The following ATR variants were observed in gnomAD, a reference collection of about 807,000 sequenced individuals.
ATR encodes the protein ATR checkpoint kinase.
Under a neutral mutation model 305.3 loss-of-function variants are expected in ATR, and 142 were observed. The ratio of observed to expected loss-of-function variants is 0.47; its 90% CI spans 0.41 to 0.53. The LOEUF (loss-of-function observed/expected upper bound fraction) is 0.53, where lower values mean the gene tolerates loss of function less well. Ranked by LOEUF, ATR falls within the 20% of genes least tolerant of loss-of-function variation. ATR has a pLI of 0.00. For synonymous variants in ATR, 1,050 were observed against 1,068.1 expected, an observed-to-expected ratio of 0.98 and a Z score of 0.33; for missense variants, 2,135 against 3,133.1, an observed-to-expected ratio of 0.68 and a Z score of 7.60.
At chr3:142,496,922 C>A in intron 33 of ATR, 91 bp downstream of exon 33, 1 of 1,411,942 alleles carries the variant, frequency 7.1e-7, no homozygotes, top group South Asian at 1.3e-5. Flanking sequence ...TAGATTCAGA[C>A]AGAAAATTAA....
intron 21 of ATR, among the ~76,000 whole-genome samples, chr3:142,534,227 G>A (rs903910720): frequency 3.3e-5 from 5 of 152,094 alleles, no homozygotes; most frequent in Admixed American, 6.6e-5. Flanking sequence ...AGGCTGTAAC[G>A]TTGATAATGC....
At chr3:142,506,204 G>A (rs771441294) in intron 28 of ATR, among the ~76,000 whole-genome samples, 7 of 152,134 alleles carry the variant, frequency 4.6e-5, no homozygotes, top group South Asian at 2.1e-4. Context: ...GTGAAGTTCC[G>A]GAAACAGAGA....
chr3:142,488,612 C>T (rs2031093797), intron 35 of ATR, among the ~76,000 whole-genome samples: 1 of 152,082 alleles, frequency 6.6e-6, no homozygotes, highest in Admixed American at 6.6e-5. Context: ...ACTTCTGATA[C>T]TCTGGTAGTG....
chr3:142,450,315 A>G (rs1425155115), intron 46 of ATR: 6 of 1,031,646 alleles, frequency 5.8e-6, no homozygotes, highest in South Asian at 2.7e-5. Flanking sequence ...TTGGTGAAGC[A>G]CTTGAGCCAT....
chr3:142,500,581 C>A (rs180813872), intron 30 of ATR, among the ~76,000 whole-genome samples: 1 of 152,218 alleles, frequency 6.6e-6, no homozygotes, highest in East Asian at 1.9e-4. Context: ...AACAGAGAGG[C>A]TGGAATCAAT....
At chr3:142,476,670 T>C (rs1274763986) in intron 36 of ATR, among the ~76,000 whole-genome samples, 2 of 152,202 alleles carry the variant, frequency 1.3e-5, no homozygotes, top group East Asian at 1.9e-4. Flanking sequence ...ATTGAATCTA[T>C]AAATTACCTT....
At chr3:142,493,359 T>G in intron 34 of ATR, 48 bp from the exon 35 acceptor site, 2 of 1,521,978 alleles carry the variant, frequency 1.3e-6, no homozygotes, top group Non-Finnish European at 1.8e-6. Flanking sequence ...AAAACATACT[T>G]CTATTTTCTG....
At chr3:142,530,658 G>A (rs1438096307) in intron 21 of ATR, among the ~76,000 whole-genome samples, 4 of 151,982 alleles carry the variant, frequency 2.6e-5, no homozygotes, top group Admixed American at 1.3e-4. Context: ...GGGAGGATTT[G>A]GTTCATCTCT....
chr3:142,558,469 C>T (rs891734878), intron 8 of ATR, among the ~76,000 whole-genome samples, 155 bp downstream of exon 8: 2 of 151,866 alleles, frequency 1.3e-5, no homozygotes, highest in Admixed American at 6.6e-5. Context: ...TTGCAGCAAG[C>T]CGAGATTGCG....
At chr3:142,454,493 T>G (rs1320542516) in intron 45 of ATR, among the ~76,000 whole-genome samples, 1 of 138,278 alleles carries the variant, frequency 7.2e-6, no homozygotes, top group African/African-American at 2.9e-5. Context: ...CAGGCTGGAG[T>G]GCAGTGGCGC....
rs758856521 is a variant in ATR at position 142,513,479 on chromosome 3, C to A, written c.4641+22G>T. ...AAGTAAGTTTCACATGTTCAAAAAC[C>A]AAGTAAGATGATTTATCTCACCTCC... On this transcript the variant is annotated intron_variant, in intron 26 of 46. Transcript: ENST00000350721. 2.5e-6 allele frequency: 4 copies of A among 1,612,272 alleles called. No individual in the cohort carries two copies. The South Asian group carries it at 4.4e-5, about 18-fold the overall frequency.
intron 30 of ATR, among the ~76,000 whole-genome samples, chr3:142,502,282 A>G (rs2032009447): frequency 6.6e-6 from 1 of 152,240 alleles, no homozygotes. Context: ...TCATTGCAGC[A>G]CTATTCATAA....
rs781211131 is a variant in ATR at position 142,462,106 on chromosome 3, CAT to C, written c.7042-18_7042-17del. 6.2e-7 allele frequency: 1 copy of C among 1,605,438 alleles called. No individual in the cohort carries two copies. Among genetic ancestry groups the C allele is most frequent in the Non-Finnish European group, 8.5e-7 (1 of 1,175,226 alleles). ...TTCTTAAGCACTGTTAAAAAATACACATAAATTTAAAAACAAGATAGAACTCA... is the reference window on the plus strand; with the variant it reads ...TTCTTAAGCACTGTTAAAAAATACACAAATTTAAAAACAAGATAGAACTCA... On this transcript the variant is annotated splice_polypyrimidine_tract_variant and intron_variant, in intron 41 of 46. Transcript: ENST00000350721.
At chr3:142,474,418 G>A (rs375662668) in intron 36 of ATR, among the ~76,000 whole-genome samples, 15 of 152,012 alleles carry the variant, frequency 9.9e-5, no homozygotes, top group African/African-American at 2.7e-4. Context: ...TTTCATCAAT[G>A]TTTTATAGTT....
rs994276091 is a variant in ATR, at chr3:142,522,837, C to T, written c.4157G>A (p.Gly1386Glu). Reference sequence around the variant, plus strand: ...ATAGGCAAAGCTTGAATCTTCTACTCCAGTCTCAATCAGAAAAAAAAAAAA... The same window carrying T: ...ATAGGCAAAGCTTGAATCTTCTACTTCAGTCTCAATCAGAAAAAAAAAAAA... The part of the protein sequence containing the change: ...TQGKDFTFVT[G>E]VEDSSFAYGL... The change falls in exon 23 of 47, where the codon GGA (glycine) becomes GAA (glutamate). Residue 1386 changes from glycine (G) to glutamate (E), a missense_variant. Physicochemically the swap from Gly to Glu is moderately conservative, Grantham distance 98 (BLOSUM62 -2). Coordinates refer to ENST00000350721, the MANE Select transcript of ATR (RefSeq NM_001184.4). The T allele has an allele frequency of 6.2e-7, 1 of 1,606,694 alleles. No individual in the cohort carries two copies. Among genetic ancestry groups the T allele is most frequent in the South Asian group, 1.1e-5 (1 of 90,890 alleles).
chr3:142,478,865 A>G (rs1267931679), intron 36 of ATR, among the ~76,000 whole-genome samples: 1 of 151,556 alleles, frequency 6.6e-6, no homozygotes, highest in Non-Finnish European at 1.5e-5. Flanking sequence ...GTCTCTTTTG[A>G]TCTTTGTTGG....
intron 1 of ATR, among the ~76,000 whole-genome samples, chr3:142,574,969 G>A (rs1021727315): frequency 1.3e-5 from 2 of 152,160 alleles, no homozygotes; most frequent in African/African-American, 2.4e-5. Flanking sequence ...TAAGTAGTTT[G>A]GATTTTACAC....
Position 142,453,155 on chromosome 3 carries a change from A to G in ATR, c.7734T>C (p.Asn2578=), listed in dbSNP as rs1440426009. 1 of 1,614,164 alleles carries G rather than the reference A, an allele frequency of 6.2e-7. No individual in the cohort carries two copies. The stretch of plus-strand genomic sequence containing the variant: ...TTTCATTGACAACTTCTCCAGTTTC[A>G]TTCAGTGGCGCTTTGGAATGCCCTT... The part of the protein sequence containing the change: ...PVKGHSKAPL[N]ETGEVVNEKA... The change falls in exon 46 of 47, where the codon AAT becomes AAC. Residue 2578 remains asparagine, a synonymous_variant. Coordinates refer to ENST00000350721, the MANE Select transcript of ATR (RefSeq NM_001184.4).
chr3:142,512,592 C>T, intron 26 of ATR, 122 bp from the exon 27 acceptor site: 1 of 775,622 alleles, frequency 1.3e-6, no homozygotes. Context: ...ATTGGCCAGG[C>T]ATGTTGGCCT....
Sources: allele counts gnomAD v4.1 joint callset (sites outside exome capture counted in the v4.1 genomes callset), GRCh38; gene constraint gnomAD v4.1.1; transcripts MANE v1.5; gene names NCBI Gene and HGNC (gene_info 2026-07-23, HGNC 2026-07-21).